The following BMPR1A variants were observed in gnomAD, a reference collection of about 807,000 sequenced individuals.
The protein encoded by BMPR1A is bone morphogenetic protein receptor type 1A, also known as bone morphogenetic protein receptor type-1A.
BMPR1A carries 7 observed loss-of-function variants against 66.0 expected under a neutral mutation model. That is an observed-to-expected ratio of 0.11 (90% CI 0.06 to 0.20). The LOEUF (loss-of-function observed/expected upper bound fraction) is 0.20, where lower values mean the gene tolerates loss of function less well. BMPR1A is among the 10% of genes least tolerant of loss of function. BMPR1A has a pLI of 1.00. For missense variants in BMPR1A, 408 were observed against 669.1 expected (o/e 0.61, Z 4.31); for synonymous variants, 200 against 229.7 (o/e 0.87, Z 1.17).
At chr10:86,865,429 C>CT (rs1842772559) in intron 2 of BMPR1A, among the ~76,000 whole-genome samples, 1 of 152,196 alleles carries the variant, frequency 6.6e-6, no homozygotes, top group African/African-American at 2.4e-5. Flanking sequence ...GAGAACAACT[C>CT]CTCTTTGACT....
Position 86,866,399 on chromosome 10 carries a change from C to CTTTTTTTTTTTCTTT in BMPR1A, c.-152-9457_-152-9456insCTTTTTTTTTTTTTT, listed in dbSNP as rs1589752897. On this transcript the variant is annotated intron_variant, in intron 2 of 12. Coordinates refer to ENST00000372037, the MANE Select transcript of BMPR1A (RefSeq NM_004329.3). ...TGTGTTAAGTTGGGCAAGTTTCTTTCTTTTTTTTTTTTTTTTTTTTTTTTT... is the reference window on the plus strand; with the variant it reads ...TGTGTTAAGTTGGGCAAGTTTCTTTCTTTTTTTTTTTCTTTTTTTTTTTTTTTTTTTTTTTTTTTT... 2.0e-4 allele frequency among the ~76,000 whole-genome samples: 14 copies of CTTTTTTTTTTTCTTT among 69,474 alleles called. 1 individual carries two copies. The highest frequency in any genetic ancestry group is 3.7e-4 in the African/African-American group (7 of 18,816). 45.6% of individuals were successfully genotyped at this position (69,474 alleles called of 152,430 possible).
chr10:86,764,193 C>A (rs1841126335), intron 1 of BMPR1A, among the ~76,000 whole-genome samples: 1 of 152,102 alleles, frequency 6.6e-6, no homozygotes, highest in Non-Finnish European at 1.5e-5. Context: ...AGTATAGGGT[C>A]TTGAGTGTTT....
At chr10:86,794,194 A>G (rs748870375) in intron 1 of BMPR1A, among the ~76,000 whole-genome samples, 11 of 152,018 alleles carry the variant, frequency 7.2e-5, no homozygotes, top group Non-Finnish European at 1.6e-4. Flanking sequence ...TCCTGCTACC[A>G]CAGTTGGTTT....
chr10:86,783,481 G>A (rs1407624693), intron 1 of BMPR1A, among the ~76,000 whole-genome samples: 2 of 152,226 alleles, frequency 1.3e-5, no homozygotes, highest in East Asian at 3.8e-4. Context: ...CCTTGAACAT[G>A]AGATGTCTTT....
chr10:86,862,210 A>C (rs1048827920), intron 2 of BMPR1A, among the ~76,000 whole-genome samples: 1 of 152,210 alleles, frequency 6.6e-6, no homozygotes, highest in Non-Finnish European at 1.5e-5. Context: ...AGTGCTAGGC[A>C]TGGGGATGGG....
chr10:86,869,293 A>G (rs1842823617), intron 2 of BMPR1A, among the ~76,000 whole-genome samples: 1 of 151,854 alleles, frequency 6.6e-6, no homozygotes, highest in Admixed American at 6.6e-5. Context: ...CCCTGTCTAT[A>G]CTGAAAATAG....
intron 1 of BMPR1A, among the ~76,000 whole-genome samples, chr10:86,788,684 T>C (rs11202180): frequency 0.28 from 43,111 of 151,532 alleles, 7,536 homozygotes; most frequent in East Asian, 0.73. Flanking sequence ...CTCGGCTCAC[T>C]GTAACCTCCG....
At chr10:86,794,331 G>A (rs1203383302) in intron 1 of BMPR1A, among the ~76,000 whole-genome samples, 1 of 152,082 alleles carries the variant, frequency 6.6e-6, no homozygotes, top group African/African-American at 2.4e-5. Flanking sequence ...GCACTGTGAC[G>A]TTAGGCAAGT....
Position 86,772,126 on chromosome 10 carries a change from G to GTTTT in BMPR1A, c.-268+15226_-268+15229dup, listed in dbSNP as rs777280640. On this transcript the variant is annotated intron_variant, in intron 1 of 12. Transcript: ENST00000372037. Reference sequence around the variant, plus strand: ...TTTAATTGGCGATGGTCAGAGATAGGTTTTTTTTTTTTTTTTTTTTTTGAG... The same window carrying GTTTT: ...TTTAATTGGCGATGGTCAGAGATAGGTTTTTTTTTTTTTTTTTTTTTTTTTTGAG... Among the ~76,000 whole-genome samples, 142 of 88,872 alleles carry GTTTT rather than the reference G, an allele frequency of 1.6e-3. 1 individual carries two copies. Among genetic ancestry groups the GTTTT allele is most frequent in the African/African-American group, 2.6e-3 (54 of 20,768 alleles). 58.3% of individuals were successfully genotyped at this position (88,872 alleles called of 152,430 possible). A position where few individuals can be genotyped will look rare whatever the true frequency, so the allele number is the denominator to read the frequency against.
intron 2 of BMPR1A, among the ~76,000 whole-genome samples, chr10:86,848,175 A>G: frequency 6.6e-6 from 1 of 152,090 alleles, no homozygotes; most frequent in East Asian, 1.9e-4. Flanking sequence ...TCAAGGCCGA[A>G]CTGCCTTGGC....
chr10:86,897,829 C>G (rs1843247563), intron 5 of BMPR1A, among the ~76,000 whole-genome samples: 1 of 152,110 alleles, frequency 6.6e-6, no homozygotes, highest in Non-Finnish European at 1.5e-5. Context: ...TGATCTCAGA[C>G]TCCTCCGCTC....
intron 7 of BMPR1A, among the ~76,000 whole-genome samples, chr10:86,910,778 T>A (rs539031774): frequency 2.8e-4 from 43 of 152,314 alleles, no homozygotes; most frequent in Admixed American, 2.1e-3. Context: ...TTATACATTC[T>A]GAATGGACCA....
downstream of BMPR1A, chr10:86,932,050 CA>C (rs1843815223): frequency 6.6e-6 from 1 of 152,162 alleles, no homozygotes; most frequent in Non-Finnish European, 1.5e-5. Flanking sequence ...TAAGGACTGC[CA>C]TTTACCCTTC....
At chr10:86,865,078 C>T (rs1032149544) in intron 2 of BMPR1A, among the ~76,000 whole-genome samples, 2 of 139,568 alleles carry the variant, frequency 1.4e-5, no homozygotes, top group South Asian at 4.4e-4. Flanking sequence ...CAAGCCGAGC[C>T]ATCGTATCCC....
chr10:86,901,635 A>G (rs569839811), intron 7 of BMPR1A, among the ~76,000 whole-genome samples: 2 of 152,322 alleles, frequency 1.3e-5, no homozygotes, highest in East Asian at 1.9e-4. Context: ...CCTGTTAGAT[A>G]AAGAAGTTTA....
At chr10:86,838,474 A>G (rs1171639351) in intron 1 of BMPR1A, among the ~76,000 whole-genome samples, 1 of 152,134 alleles carries the variant, frequency 6.6e-6, no homozygotes, top group Non-Finnish European at 1.5e-5. Context: ...GAAAAAAGTG[A>G]TATTAGCTAG....
intron 7 of BMPR1A, among the ~76,000 whole-genome samples, chr10:86,907,916 C>T (rs1843420327): frequency 6.6e-6 from 1 of 152,098 alleles, no homozygotes; most frequent in South Asian, 2.1e-4. Flanking sequence ...TTTGATAGTA[C>T]AGTAGGGAAA....
intron 5 of BMPR1A, among the ~76,000 whole-genome samples, chr10:86,896,903 C>T (rs868594361): frequency 3.9e-5 from 6 of 152,284 alleles, no homozygotes; most frequent in South Asian, 2.1e-4. Flanking sequence ...TCTTGGTAAA[C>T]GTCACCCAAG....
chr10:86,836,826 G>A (rs1327466866), intron 1 of BMPR1A, among the ~76,000 whole-genome samples: 13 of 152,050 alleles, frequency 8.5e-5, no homozygotes, highest in East Asian at 1.9e-4. Flanking sequence ...CCAGCTACTC[G>A]GGAGGCTGAG....
Sources: gnomAD v4.1 joint callset for allele counts (sites outside exome capture counted in the v4.1 genomes callset) on GRCh38, gnomAD v4.1.1 for gene constraint, MANE v1.5 for transcripts, NCBI Gene and HGNC (gene_info 2026-07-23, HGNC 2026-07-21) for gene names.